The following RTL4 variants were observed in gnomAD, a reference collection of about 807,000 sequenced individuals.
RTL4 encodes the protein retrotransposon Gag like 4, also known as retrotransposon Gag-like protein 4.
RTL4 carries 4 observed loss-of-function variants against 5.3 expected under a neutral mutation model. The ratio of observed to expected loss-of-function variants is 0.75; its 90% CI spans 0.37 to 1.72. RTL4 has a LOEUF of 1.72. Among genes scored for constraint, RTL4 ranks in the 40% most tolerant of loss-of-function variants. The pLI is 0.04. For synonymous variants in RTL4, 98 were observed against 87.3 expected (o/e 1.12, Z -0.68); for missense variants, 260 against 227.1 (o/e 1.14, Z -0.93).
chrX:112,351,746 T>G, the RTL4 span, among the ~76,000 whole-genome samples: 1 of 111,088 alleles, frequency 9.0e-6, no homozygotes, highest in Non-Finnish European at 1.9e-5. Flanking sequence ...CCCTTTATTT[T>G]CAGCCTATGT....
chrX:112,454,711 C>G (rs758584632), exon 1 of RTL4: 13 of 1,162,105 alleles, frequency 1.1e-5, no homozygotes, highest in East Asian at 9.0e-5. Flanking sequence ...TCAATCCCAC[C>G]TGATTCCAGG....
chrX:112,188,242 C>T, the RTL4 span, among the ~76,000 whole-genome samples: 2 of 111,482 alleles, frequency 1.8e-5, no homozygotes, highest in Non-Finnish European at 3.8e-5. Flanking sequence ...ACCCTCTGCT[C>T]ATAATCTCCA....
chrX:112,121,604 G>C, the RTL4 span, among the ~76,000 whole-genome samples: 1 of 111,655 alleles, frequency 9.0e-6, no homozygotes, highest in African/African-American at 3.2e-5. Context: ...ATGTAACCAT[G>C]ATAACAAATC....
the RTL4 span, among the ~76,000 whole-genome samples, chrX:112,084,286 G>A: frequency 1.2e-4 from 13 of 110,736 alleles, no homozygotes; most frequent in African/African-American, 4.3e-4. Context: ...TCCCCTTGTC[G>A]TTAGTCCTCC....
chrX:112,293,677 A>G, the RTL4 span, among the ~76,000 whole-genome samples: 1 of 111,816 alleles, frequency 8.9e-6, no homozygotes, highest in Non-Finnish European at 1.9e-5. Flanking sequence ...TAAAAGTACA[A>G]TGGCTTCTAA....
At chrX:112,409,797 GA>G in the RTL4 span, among the ~76,000 whole-genome samples, 2 of 110,036 alleles carry the variant, frequency 1.8e-5, no homozygotes, top group African/African-American at 6.6e-5. Context: ...AAGAAGACAG[GA>G]AAGAAGGGAA....
chrX:112,390,253 G>A, the RTL4 span, among the ~76,000 whole-genome samples: 1 of 93,481 alleles, frequency 1.1e-5, no homozygotes, highest in Non-Finnish European at 2.1e-5. Flanking sequence ...AGAAGTTTGA[G>A]AGCAGCCTGG....
the RTL4 span, among the ~76,000 whole-genome samples, chrX:112,255,202 G>A: frequency 1.9e-4 from 21 of 112,164 alleles, no homozygotes; most frequent in African/African-American, 6.5e-4. Flanking sequence ...CTGTGTGGCT[G>A]CAGAACAGTT....
At chrX:112,357,498 G>A in the RTL4 span, among the ~76,000 whole-genome samples, 1 of 111,491 alleles carries the variant, frequency 9.0e-6, no homozygotes, top group African/African-American at 3.3e-5. Context: ...CACCTCATTG[G>A]TATACATAAG....
At chrX:112,389,483 T>A in the RTL4 span, among the ~76,000 whole-genome samples, 1 of 111,452 alleles carries the variant, frequency 9.0e-6, no homozygotes, top group Admixed American at 9.6e-5. Context: ...TTTTTAGTTG[T>A]GATGTTAGGT....
chrX:112,206,641 A>G, the RTL4 span, among the ~76,000 whole-genome samples: 1 of 111,052 alleles, frequency 9.0e-6, no homozygotes, highest in Non-Finnish European at 1.9e-5. Flanking sequence ...TTCTCCATCT[A>G]CACTCATTAC....
chrX:112,295,221 C>T, the RTL4 span, among the ~76,000 whole-genome samples: 2 of 111,253 alleles, frequency 1.8e-5, no homozygotes, highest in Non-Finnish European at 3.8e-5. Context: ...TAAATGTCTT[C>T]GGGTAAGAGC....
the RTL4 span, among the ~76,000 whole-genome samples, chrX:112,415,285 A>G: frequency 9.0e-6 from 1 of 111,032 alleles, no homozygotes; most frequent in East Asian, 2.8e-4. Flanking sequence ...TGAATTTTAT[A>G]TATGTTTTGA....
the RTL4 span, among the ~76,000 whole-genome samples, chrX:112,343,075 A>C: frequency 4.5e-5 from 5 of 111,687 alleles, no homozygotes; most frequent in South Asian, 1.9e-3. Flanking sequence ...GCACCACTGC[A>C]CTCCAGCGTG....
the RTL4 span, among the ~76,000 whole-genome samples, chrX:112,173,433 C>A: frequency 1.8e-5 from 2 of 111,023 alleles, no homozygotes; most frequent in Non-Finnish European, 3.8e-5. Context: ...GGCTGTGTGG[C>A]CTTGGGAAAG....
At chrX:112,236,722 G>C in the RTL4 span, among the ~76,000 whole-genome samples, 1 of 108,373 alleles carries the variant, frequency 9.2e-6, no homozygotes, top group Non-Finnish European at 1.9e-5. Context: ...GGATAAAATA[G>C]TAAAGCTGTA....
chrX:112,330,646 G>GA, the RTL4 span, among the ~76,000 whole-genome samples: 2 of 110,736 alleles, frequency 1.8e-5, no homozygotes, highest in Admixed American at 1.9e-4. Context: ...CACAGAATTG[G>GA]AAAAAACTAC....
chrX:112,137,727 T>C, the RTL4 span, among the ~76,000 whole-genome samples: 509 of 111,696 alleles, frequency 4.6e-3, 2 homozygotes, highest in African/African-American at 0.015. Context: ...CAGATGGCTA[T>C]TATATATTAA....
chrX:112,422,706 G>A, the RTL4 span, among the ~76,000 whole-genome samples: 4 of 111,009 alleles, frequency 3.6e-5, no homozygotes, highest in South Asian at 3.8e-4. Flanking sequence ...ATATAATGTT[G>A]ACTATAAACT....
Sources: allele counts gnomAD v4.1 joint callset (sites outside exome capture counted in the v4.1 genomes callset), GRCh38; gene constraint gnomAD v4.1.1; transcripts MANE v1.5; gene names NCBI Gene and HGNC (gene_info 2026-07-23, HGNC 2026-07-21).